SGK3: variants seen among roughly 807,000 people sequenced by gnomAD.
The protein encoded by SGK3 is serine/threonine-protein kinase Sgk3.
SGK3 carries 47 observed loss-of-function variants against 68.5 expected under a neutral mutation model. The observed-to-expected ratio is 0.69, with a 90% CI of 0.54 to 0.87. The LOEUF (loss-of-function observed/expected upper bound fraction) is 0.87, where lower values mean the gene tolerates loss of function less well. Among genes scored for constraint, SGK3 ranks in the 40% least tolerant of loss-of-function variants. SGK3 has a pLI of 0.00. For synonymous variants in SGK3, 181 were observed against 189.1 expected (o/e 0.96, Z 0.35); for missense variants, 479 against 575.5 (o/e 0.83, Z 1.72).
At position 66,859,482 on chromosome 8, in the gene SGK3, A is replaced by G; in HGVS notation, c.1392A>G (p.Val464=). 1.9e-6 allele frequency: 3 copies of G among 1,613,776 alleles called. No individual in the cohort carries two copies. The highest frequency in any genetic ancestry group is 8.5e-7 in the Non-Finnish European group (1 of 1,179,758). ...AAACAGTTCCATATTCTGTGTGTGT[A>G]TCTTCTGACTATTCTATAGTGAATG... ...TEETVPYSVC[V]SSDYSIVNAS... The change falls in exon 17 of 17, where the codon GTA becomes GTG. Residue 464 remains valine (V), a synonymous_variant. Coordinates refer to ENST00000521198, the MANE Select transcript of SGK3 (RefSeq NM_001033578.3).
intron 14 of SGK3, among the ~76,000 whole-genome samples, chr8:66,846,417 C>T (rs980627930): frequency 2.0e-5 from 3 of 152,064 alleles, no homozygotes; most frequent in African/African-American, 7.2e-5. Context: ...CAGGTTTAAC[C>T]GATTCTCATG....
chr8:66,806,227 AT>A (rs1808157238), intron 4 of SGK3, among the ~76,000 whole-genome samples: 1 of 150,860 alleles, frequency 6.6e-6, no homozygotes, highest in Non-Finnish European at 1.5e-5. Flanking sequence ...TATATAGCAC[AT>A]TTCATTGTAA....
chr8:66,718,216 G>C (rs1586665382), intron 1 of SGK3, among the ~76,000 whole-genome samples: 1 of 150,660 alleles, frequency 6.6e-6, no homozygotes. Context: ...GTAGAAACAG[G>C]GTTTCACCAT....
chr8:66,712,926 G>GCCTCGGCCGCTGCCTGT (rs1804531238), intron 1 of SGK3, 93 bp downstream of exon 1: 1 of 152,062 alleles, frequency 6.6e-6, no homozygotes, highest in African/African-American at 2.4e-5. Flanking sequence ...GGCTGCCCGG[G>GCCTCGGCCGCTGCCTGT]CCTCGGCCGC....
At position 66,723,114 on chromosome 8, in the gene SGK3, TATATATATA is replaced by T. The variant is rs1563595171; in HGVS notation, c.-122+10282_-122+10290del. ...TCATATATATATATATATATATATA[TATATATATA>T]TATATATATTTTTTTTTTTTTTTTT... On this transcript the variant is annotated intron_variant, in intron 1 of 16. Coordinates refer to ENST00000521198, the MANE Select transcript of SGK3 (RefSeq NM_001033578.3). Among the ~76,000 whole-genome samples the T allele has an allele frequency of 5.2e-4, 28 of 53,780 alleles. 1 individual carries two copies. The highest frequency in any genetic ancestry group is 1.8e-3 in the African/African-American group (26 of 14,098). 35.3% of individuals were successfully genotyped at this position (53,780 alleles called of 152,430 possible).
At chr8:66,841,706 TACTA>T (rs1809804075) in intron 13 of SGK3, among the ~76,000 whole-genome samples, 2 of 152,210 alleles carry the variant, frequency 1.3e-5, no homozygotes, top group South Asian at 4.1e-4. Flanking sequence ...AGTGTTTACT[TACTA>T]GAAGAAAATA....
chr8:66,775,199 C>T (rs948354895), intron 1 of SGK3: 3 of 152,356 alleles, frequency 2.0e-5, no homozygotes, highest in African/African-American at 4.8e-5. Flanking sequence ...CAGGTTTGGC[C>T]CCCGCAGGGA....
intron 5 of SGK3, among the ~76,000 whole-genome samples, chr8:66,820,932 C>T (rs1425085192): frequency 6.6e-6 from 1 of 152,128 alleles, no homozygotes; most frequent in African/African-American, 2.4e-5. Flanking sequence ...TATCTAACTC[C>T]TGGCCTCAAA....
intron 5 of SGK3, among the ~76,000 whole-genome samples, chr8:66,821,000 C>G (rs1808790565): frequency 6.6e-6 from 1 of 152,216 alleles, no homozygotes; most frequent in African/African-American, 2.4e-5. Flanking sequence ...GCCACCACTC[C>G]TGGCTAAGGC....
At chr8:66,811,040 A>T (rs1019567052) in intron 4 of SGK3, among the ~76,000 whole-genome samples, 1 of 152,106 alleles carries the variant, frequency 6.6e-6, no homozygotes, top group Non-Finnish European at 1.5e-5. Flanking sequence ...TATGTTTTTG[A>T]GTCAGTGTCT....
At chr8:66,757,606 TA>T (rs113974682) in intron 1 of SGK3, among the ~76,000 whole-genome samples, 10,649 of 145,866 alleles carry the variant, frequency 0.073, 909 homozygotes, top group African/African-American at 0.21. Context: ...TGATAAATTT[TA>T]AAAAAAAAAT....
chr8:66,744,724 T>C (rs1233942949), intron 1 of SGK3, among the ~76,000 whole-genome samples: 1 of 150,832 alleles, frequency 6.6e-6, no homozygotes, highest in African/African-American at 2.4e-5. Flanking sequence ...CAGGCTGGTC[T>C]TGTACCCCTG....
intron 7 of SGK3, among the ~76,000 whole-genome samples, chr8:66,829,421 AC>A (rs1809209198): frequency 6.6e-6 from 1 of 152,208 alleles, no homozygotes. Context: ...GCGTCCTGGT[AC>A]ACTTCAACAT....
intron 1 of SGK3, among the ~76,000 whole-genome samples, chr8:66,762,410 G>T (rs867605472): frequency 6.6e-6 from 1 of 152,022 alleles, no homozygotes; most frequent in Non-Finnish European, 1.5e-5. Flanking sequence ...CCAGGTACTC[G>T]GGAGGCTGAG....
intron 4 of SGK3, among the ~76,000 whole-genome samples, chr8:66,809,635 G>A (rs1808301153): frequency 6.6e-6 from 1 of 152,090 alleles, no homozygotes; most frequent in Non-Finnish European, 1.5e-5. Context: ...GATTTATCTT[G>A]CCTTTGTTGT....
intron 1 of SGK3, among the ~76,000 whole-genome samples, chr8:66,745,521 C>T (rs981232804): frequency 2.0e-5 from 3 of 152,038 alleles, no homozygotes; most frequent in Admixed American, 1.3e-4. Context: ...TTGTAGTGAG[C>T]CGAGACCACG....
At chr8:66,716,142 C>G (rs145482320) in intron 1 of SGK3, among the ~76,000 whole-genome samples, 3 of 152,316 alleles carry the variant, frequency 2.0e-5, no homozygotes, top group Non-Finnish European at 4.4e-5. Flanking sequence ...CTCAGTGTCT[C>G]TGTTTTCCTT....
chr8:66,856,725 G>A (rs1347176701), intron 16 of SGK3, among the ~76,000 whole-genome samples: 4 of 152,116 alleles, frequency 2.6e-5, no homozygotes, highest in Non-Finnish European at 5.9e-5. Flanking sequence ...TTTTATTAAC[G>A]CATCAGATCC....
chr8:66,720,781 T>TTTTATATATATATATA (rs1554590872), intron 1 of SGK3, among the ~76,000 whole-genome samples: 2 of 146,248 alleles, frequency 1.4e-5, no homozygotes, highest in African/African-American at 5.3e-5. Context: ...AAAAAAAAAA[T>TTTTATATATATATATA]TATATATATA....
Sources: allele counts gnomAD v4.1 joint callset (sites outside exome capture counted in the v4.1 genomes callset), GRCh38; gene constraint gnomAD v4.1.1; transcripts MANE v1.5; gene names NCBI Gene and HGNC (gene_info 2026-07-23, HGNC 2026-07-21).